Variants in EPB41L4B observed in about 807,000 individuals in gnomAD.
EPB41L4B encodes erythrocyte membrane protein band 4.1 like 4B, also known as band 4.1-like protein 4B.
EPB41L4B carries 30 observed loss-of-function variants against 112.5 expected under a neutral mutation model. The observed-to-expected ratio is 0.27, with a 90% CI of 0.20 to 0.36. The LOEUF is 0.36. Among genes scored for constraint, EPB41L4B ranks in the 10% least tolerant of loss-of-function variants. The pLI, the probability that EPB41L4B is intolerant of heterozygous loss-of-function variation, is 1.00. For synonymous variants in EPB41L4B, 408 were observed against 439.7 expected, an observed-to-expected ratio of 0.93 and a Z score of 0.90; for missense variants, 1,024 against 1,133.3, an observed-to-expected ratio of 0.90 and a Z score of 1.38.
chr9:109,250,079 C>A (rs892583717), intron 13 of EPB41L4B, among the ~76,000 whole-genome samples: 26 of 152,250 alleles, frequency 1.7e-4, no homozygotes, highest in Middle Eastern at 3.4e-3. Flanking sequence ...CGGCTTCATC[C>A]GGAGGACCTC....
intron 5 of EPB41L4B, among the ~76,000 whole-genome samples, 191 bp downstream of exon 5, chr9:109,264,789 A>G (rs1435109078): frequency 6.6e-6 from 1 of 152,232 alleles, no homozygotes; most frequent in Non-Finnish European, 1.5e-5. Context: ...AAATGCTTCA[A>G]GCCATATAGT....
At chr9:109,273,363 C>T (rs1055843776) in intron 2 of EPB41L4B, among the ~76,000 whole-genome samples, 3 of 152,088 alleles carry the variant, frequency 2.0e-5, no homozygotes, top group African/African-American at 4.8e-5. Context: ...TCTCCTGCCT[C>T]GGCCTCCCGA....
chr9:109,210,621 A>G (rs1833132587), intron 17 of EPB41L4B, among the ~76,000 whole-genome samples: 1 of 152,254 alleles, frequency 6.6e-6, no homozygotes, highest in African/African-American at 2.4e-5. Context: ...CATTCTGGAC[A>G]ATGCAAGACC....
chr9:109,183,394 C>T (rs941337590), intron 23 of EPB41L4B, among the ~76,000 whole-genome samples: 8 of 152,322 alleles, frequency 5.3e-5, no homozygotes, highest in East Asian at 1.9e-4. Flanking sequence ...CCTGCCCCCA[C>T]GGCCTTTGGG....
In EPB41L4B at chr9:109,267,765, A is replaced by T. The variant is rs534354608; in HGVS notation, c.455-214T>A. On this transcript the variant is annotated intron_variant, in intron 3 of 25. Transcript: ENST00000374566. ...GCTGACTAAGATAGTTTAGCTAGTA[A>T]CCTCATTCCAGGAGAAAAACCCTAG... 2.0e-5 allele frequency among the ~76,000 whole-genome samples: 3 copies of T among 152,320 alleles called. No individual in the cohort carries two copies. In the South Asian group the frequency reaches 6.2e-4, roughly 32 times the overall value.
intron 20 of EPB41L4B, chr9:109,196,292 T>C (rs1832637987): frequency 6.6e-6 from 1 of 152,126 alleles, no homozygotes; most frequent in South Asian, 2.1e-4. Flanking sequence ...TTAGTATATG[T>C]GATGCCAAAG....
rs760464745 is a variant in EPB41L4B at position 109,216,993 on chromosome 9, C to T, written c.1562G>A (p.Ser521Asn). 6.5e-5 allele frequency: 105 copies of T among 1,614,066 alleles called. No homozygotes were observed. The highest frequency in any genetic ancestry group is 8.6e-5 in the Non-Finnish European group (101 of 1,180,032). ...TTTGTTCTCCAGGGTCAGTGAGAGG[C>T]TGTAGTTTGAGTGGTGCTGGTGCTG... is the stretch of plus-strand genomic sequence containing the variant. ...QHQHQHHSNY[S>N]LSLTLENKEG... is the part of the protein sequence containing the mutation. The change falls in exon 16 of 26, where the codon AGC (serine) becomes AAC (asparagine). Residue 521 changes from serine (S) to asparagine (N), a missense_variant. Physicochemically the swap from Ser to Asn is conservative, Grantham distance 46. Transcript: ENST00000374566.
intron 1 of EPB41L4B, among the ~76,000 whole-genome samples, chr9:109,296,386 G>C (rs1205725855): frequency 6.6e-6 from 1 of 152,154 alleles, no homozygotes; most frequent in Non-Finnish European, 1.5e-5. Context: ...ACATGGACTC[G>C]GGAGTCAGCA....
intron 17 of EPB41L4B, among the ~76,000 whole-genome samples, chr9:109,210,302 A>T (rs1425389630): frequency 6.6e-6 from 1 of 152,206 alleles, no homozygotes; most frequent in Non-Finnish European, 1.5e-5. Flanking sequence ...TGTGTTTGTA[A>T]ATCCTGTTAC....
Position 109,299,367 on chromosome 9 carries a change from CTGG to C in EPB41L4B, c.307-19449_307-19447del, listed in dbSNP as rs1224193216. Among the ~76,000 whole-genome samples the C allele has an allele frequency of 2.0e-5, 3 of 152,204 alleles. No homozygotes were observed. The East Asian group carries it at 5.8e-4, about 29-fold the overall frequency. On this transcript the variant is annotated intron_variant, in intron 1 of 25. Coordinates refer to ENST00000374566, the MANE Select transcript of EPB41L4B (RefSeq NM_019114.5). ...CATGGCTCACTGCAGCCTTGACTTC[CTGG>C]AATCAAGCAATCCTCCCACCTCAGC... is the stretch of plus-strand genomic sequence containing the variant.
intron 1 of EPB41L4B, among the ~76,000 whole-genome samples, chr9:109,303,805 C>G (rs747702790): frequency 6.6e-6 from 1 of 151,988 alleles, no homozygotes; most frequent in Non-Finnish European, 1.5e-5. Flanking sequence ...CACACCCAGC[C>G]TTTTATTTTT....
At chr9:109,294,235 G>T (rs1031264979) in intron 1 of EPB41L4B, among the ~76,000 whole-genome samples, 3 of 151,370 alleles carry the variant, frequency 2.0e-5, no homozygotes, top group African/African-American at 7.3e-5. Context: ...AACTCAGGAG[G>T]TGAAGCTTGC....
At chr9:109,285,146 C>T (rs1262554156) in intron 1 of EPB41L4B, among the ~76,000 whole-genome samples, 2 of 152,244 alleles carry the variant, frequency 1.3e-5, no homozygotes, top group Admixed American at 6.5e-5. Flanking sequence ...AAATCCAACC[C>T]ATTCCCCACC....
intron 21 of EPB41L4B, among the ~76,000 whole-genome samples, chr9:109,193,118 G>A (rs1832517992): frequency 2.0e-5 from 3 of 152,228 alleles, no homozygotes; most frequent in African/African-American, 4.8e-5. Context: ...GATAATCCAG[G>A]CTGAGATGCC....
intron 13 of EPB41L4B, among the ~76,000 whole-genome samples, chr9:109,250,462 G>A (rs1834742744): frequency 6.6e-6 from 1 of 152,210 alleles, no homozygotes; most frequent in African/African-American, 2.4e-5. Flanking sequence ...ATGACTGAGA[G>A]CCTAATGAAC....
chr9:109,191,471 G>A (rs1176699415), intron 22 of EPB41L4B, among the ~76,000 whole-genome samples: 1 of 152,106 alleles, frequency 6.6e-6, no homozygotes, highest in East Asian at 1.9e-4. Context: ...CTTGGGGAGA[G>A]AGAATGAGCT....
chr9:109,303,775 G>C (rs575809161), intron 1 of EPB41L4B, among the ~76,000 whole-genome samples: 1 of 151,920 alleles, frequency 6.6e-6, no homozygotes, highest in African/African-American at 2.4e-5. Flanking sequence ...CTAAATGCTA[G>C]GATTATGGTT....
intron 1 of EPB41L4B, chr9:109,300,453 C>T (rs1435982597): frequency 6.6e-6 from 1 of 152,182 alleles, no homozygotes; most frequent in Non-Finnish European, 1.5e-5. Flanking sequence ...AAATCCATTA[C>T]TTTACCTGAT....
At chr9:109,279,185 TTTC>T (rs1835942449) in intron 2 of EPB41L4B, among the ~76,000 whole-genome samples, 1 of 148,668 alleles carries the variant, frequency 6.7e-6, no homozygotes, top group South Asian at 2.1e-4. Context: ...ATTAGAAGAG[TTTC>T]TTTCTTTTCC....
Sources: gnomAD v4.1 joint callset for allele counts (sites outside exome capture counted in the v4.1 genomes callset) on GRCh38, gnomAD v4.1.1 for gene constraint, MANE v1.5 for transcripts, NCBI Gene and HGNC (gene_info 2026-07-23, HGNC 2026-07-21) for gene names.